The following DMBT1 variants were observed in gnomAD, a reference collection of about 807,000 sequenced individuals.
DMBT1 encodes deleted in malignant brain tumors 1, also known as scavenger receptor cysteine-rich domain-containing protein DMBT1.
In DMBT1, 198 loss-of-function variants were observed where a neutral mutation model predicts 252.9. The ratio of observed to expected loss-of-function variants is 0.78; its 90% CI spans 0.70 to 0.88. DMBT1 has a LOEUF of 0.88. DMBT1 is among the 40% of genes least tolerant of loss of function. DMBT1 has a pLI of 0.00. For missense variants in DMBT1, 2,432 were observed against 2,404.7 expected, an observed-to-expected ratio of 1.01 and a Z score of -0.24; for synonymous variants, 990 against 942.7, an observed-to-expected ratio of 1.05 and a Z score of -0.92.
chr10:122,577,021 C>T (rs535467553), intron 7 of DMBT1, among the ~76,000 whole-genome samples: 38 of 152,320 alleles, frequency 2.5e-4, no homozygotes, highest in African/African-American at 8.7e-4. Context: ...TACAATGCCA[C>T]GGTCAGCACA....
intron 16 of DMBT1, among the ~76,000 whole-genome samples, chr10:122,588,540 G>T (rs2097815340): frequency 6.7e-6 from 1 of 149,268 alleles, no homozygotes; most frequent in South Asian, 2.2e-4. Context: ...CCCTGCAGCT[G>T]TCTGGCCAAA....
intron 27 of DMBT1, among the ~76,000 whole-genome samples, 175 bp from the exon 28 acceptor site, chr10:122,600,816 C>T (rs749589311): frequency 6.6e-6 from 1 of 152,262 alleles, no homozygotes; most frequent in South Asian, 2.1e-4. Context: ...CCAGCAGGAC[C>T]TTTGTCCGTG....
chr10:122,638,102 A>T (rs989854230), intron 54 of DMBT1, among the ~76,000 whole-genome samples: 2 of 152,166 alleles, frequency 1.3e-5, no homozygotes, highest in African/African-American at 4.8e-5. Context: ...TAGTCACCCT[A>T]CAAGTGGCAG....
In DMBT1 at chr10:122,593,627, G is replaced by A. The variant is rs762777251; in HGVS notation, c.2530+29G>A. ...GGTCCCCAGTGTCCTTCCTCAAAAT[G>A]TCCCTTCTCTTTCTGCCCAATCACC... is the stretch of plus-strand genomic sequence containing the variant. On this transcript the variant is annotated intron_variant, in intron 21 of 55. Coordinates refer to ENST00000338354, the MANE Select transcript of DMBT1 (RefSeq NM_001377530.1). The A allele has an allele frequency of 3.2e-6, 5 of 1,582,152 alleles. 1 individual carries two copies. Among genetic ancestry groups the A allele is most frequent in the Non-Finnish European group, 4.3e-6 (5 of 1,161,214 alleles).
intron 26 of DMBT1, among the ~76,000 whole-genome samples, chr10:122,599,416 T>C (rs576957959): frequency 2.2e-4 from 34 of 152,206 alleles, no homozygotes; most frequent in Middle Eastern, 3.4e-3. Context: ...GAGGGTATAA[T>C]GGATGCAGGA....
chr10:122,580,764 T>C (rs560180745), intron 10 of DMBT1, 102 bp from the exon 11 acceptor site: 1 of 1,464,640 alleles, frequency 6.8e-7, no homozygotes, highest in Admixed American at 1.7e-5. Flanking sequence ...GGAACTAGGA[T>C]GGACTGAGTG....
In DMBT1 at chr10:122,643,559, G is replaced by A. The variant is rs4752714; in HGVS notation, c.*161G>A. 44,436 of 1,080,128 alleles carry A rather than the reference G, an allele frequency of 0.041. 1,123 individuals are homozygous for A. Among genetic ancestry groups the A allele is most frequent in the East Asian group, 0.13 (4,908 of 38,330 alleles). 66.9% of individuals were successfully genotyped at this position (1,080,128 alleles called of 1,614,324 possible). ...CAGACCTGGTTCCCGCCTCCCCCAA[G>A]GCTCATGGTCCTTGGAGGACCCGTT... On this transcript the variant is annotated 3_prime_UTR_variant, in exon 56 of 56. Transcript: ENST00000338354.
intron 27 of DMBT1, among the ~76,000 whole-genome samples, chr10:122,600,499 G>T (rs1201136168): frequency 1.3e-5 from 2 of 152,154 alleles, no homozygotes; most frequent in Non-Finnish European, 2.9e-5. Context: ...CTTCACTGCT[G>T]GAAACATTCC....
Position 122,640,309 on chromosome 10 carries a change from C to A in DMBT1, c.7212C>A (p.Tyr2404Ter). ...FLYPVTSRPYYVDLNQDLYVQ... is the reference protein window; with the variant it reads ...FLYPVTSRPY ...ATCCTGTGACCAGCCGCCCTTACTA[C>A]GTGGACCTGAACCAGGACTTGTACG... is the stretch of plus-strand genomic sequence containing the variant. Residue 2404 changes from tyrosine to a stop codon, truncating the protein, a stop_gained, in exon 55 of 56, where the codon TAC (tyrosine) becomes TAA (stop). Transcript: ENST00000338354. LOFTEE classifies it high-confidence loss of function. The A allele has an allele frequency of 6.2e-7, 1 of 1,614,070 alleles. No individual in the cohort carries two copies. The highest frequency in any genetic ancestry group is 1.1e-5 in the South Asian group (1 of 91,086).
At chr10:122,599,690 G>T (rs2097921472) in intron 26 of DMBT1, among the ~76,000 whole-genome samples, 1 of 152,222 alleles carries the variant, frequency 6.6e-6, no homozygotes, top group African/African-American at 2.4e-5. Context: ...CATGAGGCCG[G>T]CCAGGCATGG....
chr10:122,571,240 G>T (rs545841609), intron 4 of DMBT1, among the ~76,000 whole-genome samples: 1 of 152,188 alleles, frequency 6.6e-6, no homozygotes, highest in Non-Finnish European at 1.5e-5. Context: ...AAGGTCAAGC[G>T]GTTATCTTCC....
At chr10:122,597,759 C>G (rs931724516) in intron 24 of DMBT1, among the ~76,000 whole-genome samples, 1 of 152,206 alleles carries the variant, frequency 6.6e-6, no homozygotes, top group African/African-American at 2.4e-5. Context: ...ACATCCCACA[C>G]TTCAGAGGCA....
At chr10:122,570,258 C>A (rs745712602) in intron 3 of DMBT1, 49 bp downstream of exon 3, 3 of 1,385,644 alleles carry the variant, frequency 2.2e-6, no homozygotes, top group Admixed American at 1.7e-5. Flanking sequence ...CCCACTGCAC[C>A]CCTAGGTTCA....
rs369941996 is a variant in DMBT1 at position 122,589,018 on chromosome 10, C to T, written c.1858C>T (p.Arg620Ter). ...RCQGRVEVLYRGSWGTVCDDS... is the reference protein window; with the variant it reads ...RCQGRVEVLY The stretch of plus-strand genomic sequence containing the variant: ...TCAGGGCCGAGTGGAGGTCCTATAC[C>T]GAGGCTCTTGGGGCACCGTGTGTGA... The change falls in exon 17 of 56, where the codon CGA (arginine) becomes TGA (stop). Residue 620 changes from arginine to a stop codon, truncating the protein, a stop_gained. Transcript: ENST00000338354. LOFTEE classifies it high-confidence loss of function. 27 of 1,588,572 alleles carry T rather than the reference C, an allele frequency of 1.7e-5. 3 individuals carry two copies. Among genetic ancestry groups the T allele is most frequent in the East Asian group, 9.4e-5 (4 of 42,744 alleles).
Position 122,618,071 on chromosome 10 carries a change from G to A in DMBT1, c.4946G>A (p.Gly1649Asp), listed in dbSNP as rs2098015766. ...RLVNGGDRCR[G>D]RVEVLYQGSW... ...GTGAATGGAGGTGACAGGTGTCGAG[G>A]CCGAGTGGAGGTCCTATACCAAGGC... Residue 1649 changes from glycine (G) to aspartate (D), a missense_variant, in exon 41 of 56, where the codon GGC becomes GAC. Transcript: ENST00000338354. The A allele has an allele frequency of 6.2e-7, 1 of 1,613,628 alleles. No homozygotes were observed. The highest frequency in any genetic ancestry group is 1.3e-5 in the African/African-American group (1 of 74,894).
chr10:122,600,455 A>G (rs1161375084), intron 27 of DMBT1, among the ~76,000 whole-genome samples: 1 of 152,208 alleles, frequency 6.6e-6, no homozygotes, highest in African/African-American at 2.4e-5. Context: ...TGACCTGTTC[A>G]AGGCATCATC....
At chr10:122,578,780 T>C in intron 9 of DMBT1, 21 bp downstream of exon 9, 1 of 1,595,256 alleles carries the variant, frequency 6.3e-7, no homozygotes, top group Non-Finnish European at 8.6e-7. Flanking sequence ...CTCTCAACAC[T>C]CCCTGGGGCT....
intron 1 of DMBT1, among the ~76,000 whole-genome samples, chr10:122,565,139 T>C (rs2097579570): frequency 1.3e-5 from 2 of 152,224 alleles, no homozygotes; most frequent in Non-Finnish European, 1.5e-5. Context: ...CATTCTATCA[T>C]TTTCTTACTA....
chr10:122,577,972 T>C, intron 8 of DMBT1, 132 bp downstream of exon 8: 1 of 971,628 alleles, frequency 1.0e-6, no homozygotes, highest in Non-Finnish European at 1.5e-6. Context: ...ACTCTGTAAC[T>C]GAGACCCTAG....
Sources: allele counts gnomAD v4.1 joint callset (sites outside exome capture counted in the v4.1 genomes callset), GRCh38; gene constraint gnomAD v4.1.1; transcripts MANE v1.5; gene names NCBI Gene and HGNC (gene_info 2026-07-23, HGNC 2026-07-21).